The following A1CF variants were observed in gnomAD, a reference collection of about 807,000 sequenced individuals.
The protein encoded by A1CF is APOBEC-1 stimulating protein.
In A1CF, 48 loss-of-function variants were observed where a neutral mutation model predicts 68.9. The ratio of observed to expected loss-of-function variants is 0.70; its 90% CI spans 0.55 to 0.89. The LOEUF (loss-of-function observed/expected upper bound fraction) is 0.89. A1CF is among the 40% of genes least tolerant of loss of function. The pLI is 0.00. For missense variants in A1CF, 653 were observed against 718.9 expected (o/e 0.91, Z 1.05); for synonymous variants, 272 against 260.4 (o/e 1.04, Z -0.43).
At chr10:50,810,974 T>A in intron 11 of A1CF, 66 bp downstream of exon 11, 1 of 1,497,116 alleles carries the variant, frequency 6.7e-7, no homozygotes, top group Non-Finnish European at 9.0e-7. Context: ...AGATGGTGAC[T>A]AAATGCATTT....
At chr10:50,823,460 G>C (rs914181687) in intron 7 of A1CF, 1 of 152,126 alleles carries the variant, frequency 6.6e-6, no homozygotes, top group Non-Finnish European at 1.5e-5. Flanking sequence ...TTATCAACTT[G>C]TCAGCAACAC....
chr10:50,828,009 C>A (rs1418960538), intron 7 of A1CF, 122 bp downstream of exon 7: 2 of 640,178 alleles, frequency 3.1e-6, no homozygotes, highest in Non-Finnish European at 2.4e-6. Context: ...ACTATAAACA[C>A]CTCTATGCAA....
intron 3 of A1CF, among the ~76,000 whole-genome samples, chr10:50,859,159 AT>A (rs1277782705): frequency 2.0e-5 from 3 of 152,104 alleles, no homozygotes; most frequent in Non-Finnish European, 2.9e-5. Context: ...AAACAGCAAC[AT>A]TTTTTTCTTT....
At chr10:50,885,023 G>C (rs1381787565) in intron 1 of A1CF, among the ~76,000 whole-genome samples, 1 of 152,164 alleles carries the variant, frequency 6.6e-6, no homozygotes, top group Non-Finnish European at 1.5e-5. Context: ...AATCAAAAGT[G>C]AATAGTTTAA....
intron 1 of A1CF, among the ~76,000 whole-genome samples, chr10:50,882,055 G>A (rs1461085663): frequency 6.6e-6 from 1 of 152,040 alleles, no homozygotes; most frequent in African/African-American, 2.4e-5. Context: ...TTACAAAAGG[G>A]CATGTTTTAA....
intron 1 of A1CF, among the ~76,000 whole-genome samples, chr10:50,881,268 C>T (rs931401514): frequency 1.3e-4 from 20 of 152,184 alleles, no homozygotes; most frequent in African/African-American, 3.9e-4. Flanking sequence ...GAATTACAGG[C>T]GTGAGCCACT....
intron 6 of A1CF, among the ~76,000 whole-genome samples, chr10:50,830,885 A>G (rs1839205919): frequency 6.6e-6 from 1 of 152,182 alleles, no homozygotes; most frequent in African/African-American, 2.4e-5. Context: ...TAGTAATCAA[A>G]ATAGTATGAT....
intron 10 of A1CF, among the ~76,000 whole-genome samples, chr10:50,812,025 A>T (rs556190379): frequency 4.6e-5 from 7 of 152,346 alleles, no homozygotes; most frequent in African/African-American, 1.7e-4. Context: ...CATTTATGCT[A>T]ACTAACCCAG....
rs1201450793 is a variant in A1CF at position 50,805,654 on chromosome 10, G to T, written c.*1075C>A. On this transcript the variant is annotated 3_prime_UTR_variant, in exon 13 of 13. Coordinates refer to ENST00000373997, the MANE Select transcript of A1CF (RefSeq NM_014576.4). ...GAAACAAAAAGGAAGGAAAGTTAGAGGATTTCCTGGCAGATTTAAAATAAA... is the reference window on the plus strand; with the variant it reads ...GAAACAAAAAGGAAGGAAAGTTAGATGATTTCCTGGCAGATTTAAAATAAA... The T allele has an allele frequency of 1.3e-5, 2 of 152,166 alleles. No individual in the cohort carries two copies. Among genetic ancestry groups the T allele is most frequent in the Non-Finnish European group, 2.9e-5 (2 of 68,028 alleles). 9.4% of individuals were successfully genotyped at this position (152,166 alleles called of 1,614,324 possible). A position where few individuals can be genotyped will look rare whatever the true frequency, so the allele number is the denominator to read the frequency against.
At chr10:50,817,451 C>G (rs1256461145) in intron 8 of A1CF, among the ~76,000 whole-genome samples, 3 of 152,120 alleles carry the variant, frequency 2.0e-5, no homozygotes, top group Non-Finnish European at 4.4e-5. Context: ...GCCTCTTGGT[C>G]AATTTGTCCC....
At chr10:50,833,732 G>C (rs1442503711) in intron 6 of A1CF, among the ~76,000 whole-genome samples, 1 of 152,206 alleles carries the variant, frequency 6.6e-6, no homozygotes, top group Non-Finnish European at 1.5e-5. Context: ...CAGGTAGAGT[G>C]ATCCAAATGG....
Position 50,799,823 on chromosome 10 carries a change from G to A in A1CF, c.*6906C>T, listed in dbSNP as rs1050241278. The A allele has an allele frequency of 2.0e-5, 3 of 151,948 alleles. No homozygotes were observed. Among genetic ancestry groups the A allele is most frequent in the Non-Finnish European group, 4.4e-5 (3 of 67,940 alleles). 9.4% of individuals were successfully genotyped at this position (151,948 alleles called of 1,614,324 possible). ...CAGCTTGCTTTTCATTAAGATATAG[G>A]GAATAACAATATCGGGCTGTATTGC... On this transcript the variant is annotated 3_prime_UTR_variant, in exon 13 of 13. Transcript: ENST00000373997.
chr10:50,866,836 G>A (rs2132558166), intron 1 of A1CF, among the ~76,000 whole-genome samples: 1 of 152,282 alleles, frequency 6.6e-6, no homozygotes, highest in Middle Eastern at 3.4e-3. Context: ...TAAGTTGGCA[G>A]CTAGGGAAAC....
chr10:50,843,683 G>C (rs982782798), intron 4 of A1CF, among the ~76,000 whole-genome samples: 2 of 152,168 alleles, frequency 1.3e-5, no homozygotes, highest in Admixed American at 6.5e-5. Flanking sequence ...ACAGGTTATT[G>C]TAGGGTTATT....
chr10:50,810,356 G>C (rs117811088), intron 11 of A1CF, among the ~76,000 whole-genome samples: 1,691 of 152,260 alleles, frequency 0.011, 11 homozygotes, highest in Non-Finnish European at 0.018. Flanking sequence ...AATTCAGGAG[G>C]TGATATCCAC....
At chr10:50,867,373 T>G (rs1841042661) in intron 1 of A1CF, among the ~76,000 whole-genome samples, 3 of 152,238 alleles carry the variant, frequency 2.0e-5, no homozygotes, top group South Asian at 2.1e-4. Context: ...TTTTATTTTA[T>G]TTTATATTTT....
At chr10:50,809,284 G>T (rs2132309292) in intron 12 of A1CF, among the ~76,000 whole-genome samples, 1 of 152,232 alleles carries the variant, frequency 6.6e-6, no homozygotes, top group Non-Finnish European at 1.5e-5. Context: ...ATATTGAAAG[G>T]ATCTCTGTCT....
chr10:50,876,776 A>G (rs977051109), intron 1 of A1CF, among the ~76,000 whole-genome samples: 3 of 152,214 alleles, frequency 2.0e-5, no homozygotes, highest in African/African-American at 7.2e-5. Context: ...TAATTGCATG[A>G]GCCAATCCCA....
intron 1 of A1CF, among the ~76,000 whole-genome samples, chr10:50,871,627 A>C (rs924213378): frequency 3.3e-5 from 5 of 152,190 alleles, no homozygotes; most frequent in Non-Finnish European, 7.4e-5. Context: ...GAACCAGATT[A>C]ATGGAGTAAA....
Sources: gnomAD v4.1 joint callset for allele counts (sites outside exome capture counted in the v4.1 genomes callset) on GRCh38, gnomAD v4.1.1 for gene constraint, MANE v1.5 for transcripts, NCBI Gene and HGNC (gene_info 2026-07-23, HGNC 2026-07-21) for gene names.